The following CDH8 variants were observed in gnomAD, a reference collection of about 807,000 sequenced individuals.
The protein encoded by CDH8 is cadherin-8.
In CDH8, 17 loss-of-function variants were observed where a neutral mutation model predicts 68.1. The ratio of observed to expected loss-of-function variants is 0.25; its 90% CI spans 0.17 to 0.37. The LOEUF (loss-of-function observed/expected upper bound fraction) is 0.37. Ranked by LOEUF, CDH8 falls within the 10% of genes least tolerant of loss-of-function variation. The pLI is 1.00. For synonymous variants in CDH8, 372 were observed against 365.1 expected, an observed-to-expected ratio of 1.02 and a Z score of -0.21; for missense variants, 763 against 999.3, an observed-to-expected ratio of 0.76 and a Z score of 3.19.
chr16:61,866,281 C>T (rs1963251760), intron 3 of CDH8, among the ~76,000 whole-genome samples: 1 of 151,708 alleles, frequency 6.6e-6, no homozygotes, highest in Admixed American at 6.6e-5. Flanking sequence ...CTAATCTATT[C>T]AATCACACAA....
At chr16:61,985,745 G>A (rs1478385443) in intron 2 of CDH8, among the ~76,000 whole-genome samples, 3 of 151,200 alleles carry the variant, frequency 2.0e-5, no homozygotes, top group Non-Finnish European at 4.4e-5. Context: ...TGCCCGCCTC[G>A]GCCTCCCAAA....
rs1439639098 is a variant in CDH8 at position 61,648,476 on chromosome 16, A to G, written c.*5132T>C. 4 of 151,854 alleles carry G rather than the reference A, an allele frequency of 2.6e-5. No homozygotes were observed. The highest frequency in any genetic ancestry group is 1.9e-4 in the East Asian group (1 of 5,150). 9.4% of individuals were successfully genotyped at this position (151,854 alleles called of 1,614,324 possible). On this transcript the variant is annotated 3_prime_UTR_variant, in exon 12 of 12. Coordinates refer to ENST00000577390, the MANE Select transcript of CDH8 (RefSeq NM_001796.5). ...TCCTCCTCAGTACTTCCATAGCACT[A>G]TATATAACTTAGTTTCTATTTCTTA... is the stretch of plus-strand genomic sequence containing the variant.
At chr16:61,984,611 A>G (rs1208162346) in intron 2 of CDH8, among the ~76,000 whole-genome samples, 1 of 152,022 alleles carries the variant, frequency 6.6e-6, no homozygotes, top group East Asian at 1.9e-4. Context: ...TCGTTTTTCA[A>G]CTATACATAG....
chr16:61,826,291 G>C (rs1962332719), intron 4 of CDH8, among the ~76,000 whole-genome samples: 1 of 151,704 alleles, frequency 6.6e-6, no homozygotes, highest in African/African-American at 2.4e-5. Context: ...CATGGCTAAG[G>C]CATTCTCATA....
intron 1 of CDH8, among the ~76,000 whole-genome samples, chr16:62,035,336 C>T (rs1270466202): frequency 1.3e-5 from 2 of 152,178 alleles, no homozygotes; most frequent in Admixed American, 6.5e-5. Flanking sequence ...GAGTCCCCGG[C>T]TTAAGGGGGC....
chr16:61,663,722 T>C (rs1963613821), intron 10 of CDH8, among the ~76,000 whole-genome samples: 2 of 152,044 alleles, frequency 1.3e-5, no homozygotes, highest in Admixed American at 1.3e-4. Flanking sequence ...TATCTGTCTG[T>C]CTACATACCT....
At chr16:61,734,409 T>C (rs1374005176) in intron 8 of CDH8, among the ~76,000 whole-genome samples, 4 of 152,138 alleles carry the variant, frequency 2.6e-5, no homozygotes, top group Non-Finnish European at 5.9e-5. Flanking sequence ...GCTCCAGTGA[T>C]AGATCTGCTT....
intron 8 of CDH8, among the ~76,000 whole-genome samples, chr16:61,765,126 G>A (rs1960555696): frequency 6.6e-6 from 1 of 151,898 alleles, no homozygotes; most frequent in African/African-American, 2.4e-5. Context: ...TCTGACCTTT[G>A]CCAATAAGGC....
rs78395783 is a variant in CDH8, at chr16:61,742,965, T to C, written c.1415-15750A>G. ...AAGTAATAGACATATTTTTCTATTT[T>C]TTCTTATTTATGCCATTTTGCAAAG... is the stretch of plus-strand genomic sequence containing the variant. On this transcript the variant is annotated intron_variant, in intron 8 of 11. Coordinates refer to ENST00000577390, the MANE Select transcript of CDH8 (RefSeq NM_001796.5). 2.1e-3 allele frequency among the ~76,000 whole-genome samples: 318 copies of C among 152,318 alleles called. 6 individuals are homozygous for C. In the East Asian group the frequency reaches 0.049, roughly 23 times the overall value.
chr16:61,679,160 T>A (rs1963968584), intron 10 of CDH8, among the ~76,000 whole-genome samples: 2 of 152,046 alleles, frequency 1.3e-5, no homozygotes, highest in African/African-American at 4.8e-5. Context: ...TGTTGCATTT[T>A]TCTTGCTAGA....
intron 1 of CDH8, among the ~76,000 whole-genome samples, chr16:62,034,035 G>T (rs117369189): frequency 1.3e-5 from 2 of 151,918 alleles, no homozygotes; most frequent in African/African-American, 4.8e-5. Context: ...ACAGAGCTCG[G>T]GGAAGTGGAA....
intron 8 of CDH8, among the ~76,000 whole-genome samples, chr16:61,766,157 C>G (rs1960584862): frequency 6.9e-6 from 1 of 144,730 alleles, no homozygotes; most frequent in Non-Finnish European, 1.5e-5. Flanking sequence ...CTACCCCCTT[C>G]TGAGTTTCCA....
chr16:61,956,230 C>T (rs1456066375), intron 2 of CDH8, among the ~76,000 whole-genome samples: 6 of 152,248 alleles, frequency 3.9e-5, no homozygotes, highest in East Asian at 1.9e-4. Flanking sequence ...AATATCTACA[C>T]GCTGAAGTTA....
intron 10 of CDH8, chr16:61,692,948 A>T (rs1964259012): frequency 6.6e-6 from 1 of 152,176 alleles, no homozygotes; most frequent in African/African-American, 2.4e-5. Flanking sequence ...GTAGCAAAAC[A>T]ATTGGTAAAG....
chr16:61,933,873 G>A (rs977487014), intron 2 of CDH8, among the ~76,000 whole-genome samples: 1 of 152,132 alleles, frequency 6.6e-6, no homozygotes. Context: ...TTAATTTTAA[G>A]TAGTATAGCG....
chr16:61,933,179 G>A (rs1032054409), intron 2 of CDH8, among the ~76,000 whole-genome samples: 2 of 152,184 alleles, frequency 1.3e-5, no homozygotes, highest in African/African-American at 4.8e-5. Context: ...TCAGTCCAAA[G>A]CTCTTTGTCT....
At chr16:61,727,389 TA>T (rs140846478) in intron 8 of CDH8, among the ~76,000 whole-genome samples, 174 bp from the exon 9 acceptor site, 3,512 of 150,904 alleles carry the variant, frequency 0.023, 69 homozygotes, top group Non-Finnish European at 0.035. Flanking sequence ...TTGACTGCTT[TA>T]AAAAAAAGCA....
At chr16:61,809,114 A>T (rs1010556535) in intron 7 of CDH8, among the ~76,000 whole-genome samples, 1 of 151,454 alleles carries the variant, frequency 6.6e-6, no homozygotes, top group Non-Finnish European at 1.5e-5. Flanking sequence ...TGAACCCGGA[A>T]GGTGGGGGTT....
intron 7 of CDH8, among the ~76,000 whole-genome samples, chr16:61,801,617 C>T (rs948359552): frequency 3.9e-5 from 6 of 152,124 alleles, no homozygotes; most frequent in East Asian, 3.9e-4. Context: ...GTGCACCATG[C>T]GCGAGCCAAA....
Sources: gnomAD v4.1 joint callset for allele counts (sites outside exome capture counted in the v4.1 genomes callset) on GRCh38, gnomAD v4.1.1 for gene constraint, MANE v1.5 for transcripts, NCBI Gene and HGNC (gene_info 2026-07-23, HGNC 2026-07-21) for gene names.